NME1: variants seen among roughly 807,000 people sequenced by gnomAD.
NME1 encodes NME/NM23 nucleoside diphosphate kinase 1, also known as nucleoside diphosphate kinase A.
Under a neutral mutation model 17.2 loss-of-function variants are expected in NME1, and 9 were observed. The ratio of observed to expected loss-of-function variants is 0.52; its 90% CI spans 0.32 to 0.92. The LOEUF is 0.92. Ranked by LOEUF, NME1 falls within the 40% of genes least tolerant of loss-of-function variation. The probability of loss-of-function intolerance (pLI) is 0.04; values close to 1 mark genes in which losing one functional copy is unlikely to be tolerated. For missense variants in NME1, 169 were observed against 201.7 expected (o/e 0.84, Z 0.98); for synonymous variants, 72 against 70.8 (o/e 1.02, Z -0.09).
intron 1 of NME1, chr17:51,154,002 G>A: frequency 3.7e-6 from 1 of 273,446 alleles, no homozygotes; most frequent in Non-Finnish European, 7.3e-6. Flanking sequence ...CATTCAGCAA[G>A]CACTGAGTGC....
At position 51,153,659 on chromosome 17, in the gene NME1, A is replaced by G. The variant is rs1233549113; in HGVS notation, c.-8A>G. 6.5e-6 allele frequency: 1 copy of G among 152,676 alleles called. No individual in the cohort carries two copies. The highest frequency in any genetic ancestry group is 1.5e-5 in the Non-Finnish European group (1 of 68,414). The allele number at this position is 152,676 out of a possible 1,614,324, so 9.5% of individuals were successfully genotyped here. ...CCGGAGTTCAAACCTAAGCAGCTGG[A>G]AGGGTAAGAGGTGTTCGGGATCCTG... On this transcript the variant is annotated 5_prime_UTR_variant, in exon 1 of 5. Coordinates refer to ENST00000393196, the MANE Select transcript of NME1 (RefSeq NM_000269.3).
chr17:51,156,316 A>T (rs1475359178), intron 2 of NME1: 1 of 182,290 alleles, frequency 5.5e-6, no homozygotes, highest in African/African-American at 2.4e-5. Flanking sequence ...CAAGCTACTT[A>T]CAAAGCAATC....
intron 2 of NME1, among the ~76,000 whole-genome samples, chr17:51,159,450 G>A (rs1227053727): frequency 6.6e-6 from 1 of 152,116 alleles, no homozygotes; most frequent in African/African-American, 2.4e-5. Flanking sequence ...TACAAAAATT[G>A]GCCAGGCATG....
intron 3 of NME1, 55 bp from the exon 4 acceptor site, chr17:51,161,105 A>C (rs775588884): frequency 5.2e-6 from 8 of 1,547,922 alleles, no homozygotes; most frequent in Non-Finnish European, 7.0e-6. Context: ...TAGTTGCCAG[A>C]TTTTCTGCTG....
intron 1 of NME1, chr17:51,154,203 C>T (rs1044021028): frequency 1.7e-3 from 819 of 493,450 alleles, no homozygotes; most frequent in South Asian, 5.3e-3. Flanking sequence ...AAATGATTTT[C>T]TTTGCTCCTA....
intron 1 of NME1, chr17:51,154,159 C>CT (rs1191043162): frequency 0.046 from 20,669 of 451,116 alleles, no homozygotes; most frequent in South Asian, 0.062. Context: ...GTCTCTCTCT[C>CT]TTTTTTTTTT....
chr17:51,161,819 T>C lies in NME1; in HGVS notation c.433T>C (p.Cys145Arg). Residue 145 changes from cysteine to arginine, a missense_variant, in exon 5 of 5, where the codon TGT becomes CGT. Transcript: ENST00000393196. Reference sequence around the variant, plus strand: ...TGAGGAACTGGTAGATTACACGAGCTGTGCTCAGAACTGGATCTATGAATG... The same window carrying C: ...TGAGGAACTGGTAGATTACACGAGCCGTGCTCAGAACTGGATCTATGAATG... ...HPEELVDYTS[C>R]AQNWIYE is the part of the protein sequence containing the mutation. 1.2e-6 allele frequency: 2 copies of C among 1,613,410 alleles called. No individual in the cohort carries two copies. Among genetic ancestry groups the C allele is most frequent in the Non-Finnish European group, 1.7e-6 (2 of 1,179,336 alleles).
chr17:51,159,613 TA>T (rs2049835364), intron 2 of NME1, among the ~76,000 whole-genome samples: 1 of 151,636 alleles, frequency 6.6e-6, no homozygotes, highest in Admixed American at 6.6e-5. Context: ...AATAAATAAA[TA>T]AATAAAATTA....
At chr17:51,154,898 T>C (rs562416185) in intron 1 of NME1, among the ~76,000 whole-genome samples, 1 of 152,314 alleles carries the variant, frequency 6.6e-6, no homozygotes, top group African/African-American at 2.4e-5. Flanking sequence ...GTATCCTAGT[T>C]CCACCGCAGT....
At chr17:51,156,846 G>A (rs536536334) in intron 2 of NME1, among the ~76,000 whole-genome samples, 15 of 144,026 alleles carry the variant, frequency 1.0e-4, no homozygotes, top group South Asian at 2.2e-4. Context: ...GACCGAGATC[G>A]CATCATTGCA....
intron 2 of NME1, among the ~76,000 whole-genome samples, chr17:51,158,020 C>G (rs1474371995): frequency 2.0e-5 from 3 of 152,172 alleles, no homozygotes; most frequent in Non-Finnish European, 4.4e-5. Flanking sequence ...TGGCTCACAC[C>G]TGTAATCCCA....
intron 3 of NME1, chr17:51,160,545 G>C (rs1365048734): frequency 2.1e-5 from 7 of 332,698 alleles, no homozygotes; most frequent in Non-Finnish European, 4.1e-5. Context: ...TTCTCTCTTA[G>C]GGGTGTGTTG....
intron 1 of NME1, among the ~76,000 whole-genome samples, chr17:51,154,703 A>T (rs1280776132): frequency 6.6e-6 from 1 of 152,154 alleles, no homozygotes; most frequent in Non-Finnish European, 1.5e-5. Flanking sequence ...TCATTTGTAA[A>T]ATGAAGGGGG....
rs1403015779 is a variant in NME1 at position 51,160,091 on chromosome 17, C to T, written c.228+10C>T. 2 of 1,613,662 alleles carry T rather than the reference C, an allele frequency of 1.2e-6. No individual in the cohort carries two copies. The highest frequency in any genetic ancestry group is 2.2e-5 in the East Asian group (1 of 44,890). On this transcript the variant is annotated intron_variant, in intron 3 of 4. Coordinates refer to ENST00000393196, the MANE Select transcript of NME1 (RefSeq NM_000269.3). ...GCCGGTAGTTGCCATGGTGAGTGTG[C>T]CTGTGTGGGATACTCCAAGTATGCA... is the stretch of plus-strand genomic sequence containing the variant.
Position 51,162,015 on chromosome 17 carries a change from T to C in NME1, c.*170T>C. Reference sequence around the variant, plus strand: ...AGTGTTACCATCCCCGACCATCTGATTAAAATGCTTCCTCCCAGCATAGGA... The same window carrying C: ...AGTGTTACCATCCCCGACCATCTGACTAAAATGCTTCCTCCCAGCATAGGA... On this transcript the variant is annotated 3_prime_UTR_variant, in exon 5 of 5. Coordinates refer to ENST00000393196, the MANE Select transcript of NME1 (RefSeq NM_000269.3). The C allele has an allele frequency of 1.7e-6, 1 of 600,050 alleles. No individual in the cohort carries two copies. Among genetic ancestry groups the C allele is most frequent in the African/African-American group, 1.8e-5 (1 of 54,172 alleles). The allele number at this position is 600,050 out of a possible 1,614,324, so 37.2% of individuals were successfully genotyped here.
intron 2 of NME1, 176 bp downstream of exon 2, chr17:51,155,956 C>G: frequency 4.1e-6 from 4 of 965,044 alleles, no homozygotes; most frequent in Non-Finnish European, 6.1e-6. Context: ...TTGGAACAAA[C>G]CAAGTTATTT....
chr17:51,154,041 G>A (rs575887997), intron 1 of NME1: 1 of 352,940 alleles, frequency 2.8e-6, no homozygotes, highest in African/African-American at 2.1e-5. Context: ...GACCGATGTG[G>A]AGGGACATTT....
intron 4 of NME1, 30 bp from the exon 5 acceptor site, chr17:51,161,698 G>T: frequency 6.6e-7 from 1 of 1,512,112 alleles, no homozygotes. Context: ...TTCTGGTCTT[G>T]GTCATGTGAC....
At chr17:51,154,490 A>AAT (rs1458982643) in intron 1 of NME1, 1 of 1,515,404 alleles carries the variant, frequency 6.6e-7, no homozygotes, top group Admixed American at 1.7e-5. Flanking sequence ...ATCTGGACGG[A>AAT]ATAGTTACTC....
Sources: gnomAD v4.1 joint callset for allele counts (sites outside exome capture counted in the v4.1 genomes callset) on GRCh38, gnomAD v4.1.1 for gene constraint, MANE v1.5 for transcripts, NCBI Gene and HGNC (gene_info 2026-07-23, HGNC 2026-07-21) for gene names.